The following LEMD2 variants were observed in gnomAD, a reference collection of about 807,000 sequenced individuals.
LEMD2 encodes the protein LEM domain-containing protein 2.
A neutral mutation model predicts 58.8 loss-of-function variants in LEMD2; 34 were observed. That is an observed-to-expected ratio of 0.58 (90% CI 0.44 to 0.77). The LOEUF is 0.77. Among genes scored for constraint, LEMD2 ranks in the 30% least tolerant of loss-of-function variants. LEMD2 has a pLI of 0.00. For synonymous variants in LEMD2, 298 were observed against 308.9 expected (o/e 0.96, Z 0.37); for missense variants, 629 against 717.9 (o/e 0.88, Z 1.42).
intron 1 of LEMD2, 93 bp downstream of exon 1, chr6:33,788,287 CG>C: frequency 1.5e-6 from 2 of 1,303,396 alleles, no homozygotes; most frequent in Non-Finnish European, 2.0e-6. Context: ...CTGACAAGGC[CG>C]GAAGTGCGCG....
chr6:33,778,479 T>G lies in LEMD2; in HGVS notation c.1011-92A>C. ...TCAAACAGGAGGAAGCGAAGGAAAG[T>G]GGGGACGCAAGGCCTCTACTTGCTT... is the stretch of plus-strand genomic sequence containing the variant. On this transcript the variant is annotated intron_variant, in intron 5 of 8. Transcript: ENST00000293760. The surrounding 1 kb of genome is among the most constrained non-coding windows in gnomAD (Gnocchi z 4.7). 1 of 1,123,356 alleles carries G rather than the reference T, an allele frequency of 8.9e-7. No individual in the cohort carries two copies. Among genetic ancestry groups the G allele is most frequent in the Non-Finnish European group, 1.2e-6 (1 of 824,424 alleles). 69.6% of individuals were successfully genotyped at this position (1,123,356 alleles called of 1,614,324 possible).
In LEMD2 at chr6:33,778,434, G is replaced by C. The variant is rs751388563; in HGVS notation, c.1011-47C>G. ...TGAACATGTTGGAAAGCTCCAAGGA[G>C]AGGCAGTGCAAGCCCCACTTCAAAC... On this transcript the variant is annotated intron_variant, in intron 5 of 8. Coordinates refer to ENST00000293760, the MANE Select transcript of LEMD2 (RefSeq NM_181336.4). This position sits in a 1 kb window ranked among gnomAD's most constrained non-coding sequence, Gnocchi z 4.7. 1 of 1,415,256 alleles carries C rather than the reference G, an allele frequency of 7.1e-7. No individual in the cohort carries two copies. Among genetic ancestry groups the C allele is most frequent in the South Asian group, 1.7e-5 (1 of 59,802 alleles). The allele number at this position is 1,415,256 out of a possible 1,614,324, so 87.7% of individuals were successfully genotyped here.
chr6:33,772,338 C>T lies in LEMD2; in HGVS notation c.*290G>A. 3.8e-6 allele frequency: 1 copy of T among 260,028 alleles called. No homozygotes were observed. Among genetic ancestry groups the T allele is most frequent in the Non-Finnish European group, 7.3e-6 (1 of 137,084 alleles). 16.1% of individuals were successfully genotyped at this position (260,028 alleles called of 1,614,324 possible). A position where few individuals can be genotyped will look rare whatever the true frequency, so the allele number is the denominator to read the frequency against. On this transcript the variant is annotated 3_prime_UTR_variant, in exon 9 of 9. Coordinates refer to ENST00000293760, the MANE Select transcript of LEMD2 (RefSeq NM_181336.4). Reference sequence around the variant, plus strand: ...TGTCAGCTGGGCCTGACAGCTGCTGCTCTTGTTTTCTATTCATGAAAACTC... The same window carrying T: ...TGTCAGCTGGGCCTGACAGCTGCTGTTCTTGTTTTCTATTCATGAAAACTC...
At chr6:33,777,267 C>T in intron 6 of LEMD2, 28 bp from the exon 7 acceptor site, 6 of 1,439,504 alleles carry the variant, frequency 4.2e-6, no homozygotes, top group Non-Finnish European at 5.9e-6. Flanking sequence ...ACTGTTAATC[C>T]CTCACACTTC....
chr6:33,783,909 C>T (rs768389736), intron 3 of LEMD2, among the ~76,000 whole-genome samples: 23 of 152,358 alleles, frequency 1.5e-4, no homozygotes, highest in Non-Finnish European at 3.1e-4. Flanking sequence ...GCCCACTACA[C>T]AGACTATCTG....
chr6:33,781,444 G>A (rs1382336778), intron 3 of LEMD2: 6 of 393,582 alleles, frequency 1.5e-5, no homozygotes, highest in African/African-American at 1.0e-4. Context: ...AAAAGAATCA[G>A]ACAGATAGCT....
At position 33,788,894 on chromosome 6, in the gene LEMD2, G is replaced by A. The variant is rs1767753913; in HGVS notation, c.223C>T (p.Arg75Cys). 1 of 1,389,516 alleles carries A rather than the reference G, an allele frequency of 7.2e-7. No homozygotes were observed. The highest frequency in any genetic ancestry group is 9.3e-7 in the Non-Finnish European group (1 of 1,079,866). 86.1% of individuals were successfully genotyped at this position (1,389,516 alleles called of 1,614,324 possible). The change falls in exon 1 of 9, where the codon CGC (arginine) becomes TGC (cysteine). Residue 75 changes from arginine to cysteine, a missense_variant. Arg to Cys is a radical substitution (Grantham distance 180). Coordinates refer to ENST00000293760, the MANE Select transcript of LEMD2 (RefSeq NM_181336.4). The part of the protein sequence containing the change: ...EARLREDAPL[R>C]ARPAAASPRA... ...GGAGAGGCCGCGGCGGGCCGGGCGCGCAGCGGCGCATCCTCGCGTAACCGG... is the reference window on the plus strand; with the variant it reads ...GGAGAGGCCGCGGCGGGCCGGGCGCACAGCGGCGCATCCTCGCGTAACCGG...
chr6:33,786,628 A>C, intron 2 of LEMD2, 106 bp downstream of exon 2: 1 of 822,836 alleles, frequency 1.2e-6, no homozygotes, highest in East Asian at 2.5e-5. Context: ...CATTACAGGA[A>C]GCACTCCCTG....
intron 8 of LEMD2, among the ~76,000 whole-genome samples, chr6:33,773,598 G>GGT (rs973371019): frequency 6.9e-6 from 1 of 145,446 alleles, no homozygotes; most frequent in South Asian, 2.1e-4. Context: ...AGGAGGCGGG[G>GGT]GGGGGGCTAG....
intron 8 of LEMD2, among the ~76,000 whole-genome samples, chr6:33,773,569 C>T (rs1157922105): frequency 7.4e-6 from 1 of 134,672 alleles, no homozygotes; most frequent in Non-Finnish European, 1.6e-5. Flanking sequence ...GGAGGACAAA[C>T]GGAGGTGGCC....
At chr6:33,782,676 T>A (rs1475453059) in intron 3 of LEMD2, among the ~76,000 whole-genome samples, 1 of 152,228 alleles carries the variant, frequency 6.6e-6, no homozygotes, top group Non-Finnish European at 1.5e-5. Context: ...ACATTTTATA[T>A]CACCCAGTGG....
intron 8 of LEMD2, among the ~76,000 whole-genome samples, chr6:33,773,637 C>T (rs1456526198): frequency 6.6e-6 from 1 of 151,944 alleles, no homozygotes; most frequent in Non-Finnish European, 1.5e-5. Context: ...GACCTGTCAC[C>T]AACCAAACCC....
rs1767508044 is a variant in LEMD2 at position 33,779,161 on chromosome 6, CTG to C, written c.1011-776_1011-775del. On this transcript the variant is annotated intron_variant, in intron 5 of 8. Coordinates refer to ENST00000293760, the MANE Select transcript of LEMD2 (RefSeq NM_181336.4). ...TGAAAAGGTGAGTGTCATCATTCTT[CTG>C]TGTTAGCAGCTTCAGTGAGCGCTGC... 2.6e-5 allele frequency: 4 copies of C among 152,246 alleles called. No homozygotes were observed. In the South Asian group the frequency reaches 6.2e-4, roughly 24 times the overall value. The allele number at this position is 152,246 out of a possible 1,614,324, so 9.4% of individuals were successfully genotyped here.
Position 33,788,632 on chromosome 6 carries a change from C to A in LEMD2, c.485G>T (p.Trp162Leu), listed in dbSNP as rs1051252472. The A allele has an allele frequency of 6.3e-6, 8 of 1,273,762 alleles. No homozygotes were observed. Among genetic ancestry groups the A allele is most frequent in the Admixed American group, 4.2e-5 (1 of 23,582 alleles). The allele number at this position is 1,273,762 out of a possible 1,614,324, so 78.9% of individuals were successfully genotyped here. The change falls in exon 1 of 9, where the codon TGG becomes TTG. Residue 162 changes from tryptophan (W) to leucine (L), a missense_variant. Trp to Leu is a moderately conservative substitution (Grantham distance 61). Transcript: ENST00000293760. ...TQGPGLAARR[W>L]WAASPAPARL... ...CGCCGGGGCGGGAGACGCTGCCCAC[C>A]AGCGGCGGGCCGCGAGACCCGGGCC...
At chr6:33,786,678 G>C in intron 2 of LEMD2, 56 bp downstream of exon 2, 1 of 1,399,128 alleles carries the variant, frequency 7.1e-7, no homozygotes, top group South Asian at 1.2e-5. Flanking sequence ...TTTACCTCCT[G>C]ATGGAGGCTA....
At position 33,778,375 on chromosome 6, in the gene LEMD2, T is replaced by G; in HGVS notation, c.1023A>C (p.Glu341Asp). ...CAGTCGTCACCAATTCAGACTGGTC[T>G]TCTCCTTTCAACCTGAAACAGGACA... ...NKDVGIWLKG[E>D]DQSELVTTVD... Residue 341 changes from glutamate (E) to aspartate (D), a missense_variant, in exon 6 of 9, where the codon GAA becomes GAC. This residue lies in a region of LEMD2 where 243 missense variants were observed against 336.8 expected (regional missense o/e 0.72). Coordinates refer to ENST00000293760, the MANE Select transcript of LEMD2 (RefSeq NM_181336.4). This position sits in a 1 kb window ranked among gnomAD's most constrained non-coding sequence, Gnocchi z 4.7. The G allele has an allele frequency of 3.2e-6, 5 of 1,562,840 alleles. No individual in the cohort carries two copies. The highest frequency in any genetic ancestry group is 4.3e-6 in the Non-Finnish European group (5 of 1,151,176).
At chr6:33,775,632 G>A (rs959832088) in intron 8 of LEMD2, among the ~76,000 whole-genome samples, 21 of 152,286 alleles carry the variant, frequency 1.4e-4, no homozygotes, top group African/African-American at 5.1e-4. Flanking sequence ...GACTGCTAAC[G>A]GCTCTATTTT....
chr6:33,775,356 T>A (rs916336760), intron 8 of LEMD2, among the ~76,000 whole-genome samples: 1 of 152,222 alleles, frequency 6.6e-6, no homozygotes, highest in African/African-American at 2.4e-5. Context: ...CTTGCTCTGT[T>A]GTCCAGGCTG....
At chr6:33,784,229 C>T in intron 3 of LEMD2, 123 bp downstream of exon 3, 1 of 791,866 alleles carries the variant, frequency 1.3e-6, no homozygotes, top group Non-Finnish European at 2.2e-6. Flanking sequence ...TCTGAATATG[C>T]CTTCTGAGAG....
Sources: gnomAD v4.1 joint callset for allele counts (sites outside exome capture counted in the v4.1 genomes callset) on GRCh38, gnomAD v4.1.1 for gene constraint, gnomAD v4.1.1 regional missense constraint, Gnocchi (gnomAD v3.1) non-coding constraint, MANE v1.5 for transcripts, NCBI Gene and HGNC (gene_info 2026-07-23, HGNC 2026-07-21) for gene names.